Variants in COPG2 observed in about 807,000 individuals in gnomAD.
COPG2 encodes the protein coat protein complex I subunit gamma 2, also known as coatomer subunit gamma-2.
COPG2 carries 37 observed loss-of-function variants against 46.3 expected under a neutral mutation model. That is an observed-to-expected ratio of 0.80 (90% confidence interval 0.61 to 1.05). The LOEUF (loss-of-function observed/expected upper bound fraction) is 1.05. Among genes scored for constraint, COPG2 ranks in the 50% least tolerant of loss-of-function variants. COPG2 has a pLI of 0.00. For missense variants in COPG2, 427 were observed against 387.8 expected (o/e 1.10, Z -0.85); for synonymous variants, 159 against 129.7 (o/e 1.23, Z -1.53).
rs1793795269 is a variant in COPG2, at chr7:130,565,928, T to A, written c.738-1535A>T. Among the ~76,000 whole-genome samples, 4 of 152,160 alleles carry A rather than the reference T, an allele frequency of 2.6e-5. No individual in the cohort carries two copies. The South Asian group carries it at 8.3e-4, about 32-fold the overall frequency. On this transcript the variant is annotated intron_variant, in intron 9 of 23. Coordinates refer to ENST00000425248, the MANE Select transcript of COPG2 (RefSeq NM_012133.6). ...AAAAAGAAGGAAGAAAAATGAACAG[T>A]GCTTTGGAGACCTGTGTAACATGAC... is the stretch of plus-strand genomic sequence containing the variant.
intron 20 of COPG2, among the ~76,000 whole-genome samples, chr7:130,530,681 T>C (rs1304237038): frequency 6.6e-6 from 1 of 151,368 alleles, no homozygotes; most frequent in African/African-American, 2.4e-5. Flanking sequence ...GGAGAAGAAA[T>C]GTGGACGCAA....
intron 5 of COPG2, among the ~76,000 whole-genome samples, chr7:130,625,399 C>G (rs1212490479): frequency 6.6e-6 from 1 of 151,964 alleles, no homozygotes; most frequent in Middle Eastern, 3.2e-3. Flanking sequence ...TTTCTCTTGC[C>G]TAACTGCATT....
chr7:130,534,317 C>T (rs1337232867), intron 20 of COPG2, among the ~76,000 whole-genome samples: 4 of 152,102 alleles, frequency 2.6e-5, no homozygotes, highest in Admixed American at 2.0e-4. Flanking sequence ...GGACTCATAT[C>T]GTTTGAGTCC....
At chr7:130,553,053 C>T (rs1320062297) in intron 14 of COPG2, among the ~76,000 whole-genome samples, 1 of 152,134 alleles carries the variant, frequency 6.6e-6, no homozygotes, top group Non-Finnish European at 1.5e-5. Context: ...ATTACTTGAG[C>T]TAAAATCTGA....
chr7:130,658,022 C>T (rs1795891890), intron 4 of COPG2, among the ~76,000 whole-genome samples: 1 of 152,106 alleles, frequency 6.6e-6, no homozygotes, highest in African/African-American at 2.4e-5. Context: ...CTACATATGG[C>T]CCAGCAATCC....
intron 12 of COPG2, among the ~76,000 whole-genome samples, chr7:130,558,113 C>T (rs1437578894): frequency 6.6e-6 from 1 of 151,850 alleles, no homozygotes; most frequent in African/African-American, 2.4e-5. Context: ...TCAGCTTTCC[C>T]GTCTACAGAA....
intron 20 of COPG2, among the ~76,000 whole-genome samples, chr7:130,513,329 A>ATGTGTGTGTGTGTGTGTG (rs1393548382): frequency 1.1e-3 from 77 of 67,204 alleles, no homozygotes; most frequent in African/African-American, 3.1e-3. Context: ...ATATATATAT[A>ATGTGTGTGTGTGTGTGTG]TATATATATA....
Position 130,577,755 on chromosome 7 carries a change from G to A in COPG2, c.738-13362C>T, listed in dbSNP as rs1229152235. ...CGCAGTCTGGCCTGGGCGACAGAGC[G>A]AGACTCCGTCTCAAAAAAAAAAAAA... On this transcript the variant is annotated intron_variant, in intron 9 of 23. Coordinates refer to ENST00000425248, the MANE Select transcript of COPG2 (RefSeq NM_012133.6). Among the ~76,000 whole-genome samples, 120 of 135,496 alleles carry A rather than the reference G, an allele frequency of 8.9e-4. 1 individual carries two copies. The highest frequency in any genetic ancestry group is 3.1e-3 in the African/African-American group (106 of 33,768). The allele number at this position is 135,496 out of a possible 152,430, so 88.9% of individuals were successfully genotyped here.
chr7:130,579,115 T>A (rs1488604101), intron 9 of COPG2, among the ~76,000 whole-genome samples: 1 of 76,572 alleles, frequency 1.3e-5, no homozygotes, highest in Non-Finnish European at 2.6e-5. Flanking sequence ...CGGGTTACCC[T>A]CAAAGGGAAG....
intron 20 of COPG2, among the ~76,000 whole-genome samples, chr7:130,521,836 C>A (rs953774843): frequency 6.6e-6 from 1 of 151,662 alleles, no homozygotes; most frequent in African/African-American, 2.4e-5. Flanking sequence ...TAAAGATGGA[C>A]CAAAGATATG....
At chr7:130,607,633 G>T in intron 9 of COPG2, 5 of 510,076 alleles carry the variant, frequency 9.8e-6, no homozygotes, top group South Asian at 7.2e-5. Flanking sequence ...TATATATGTA[G>T]TTCAGTTGGT....
At chr7:130,507,590 T>TC in intron 22 of COPG2, 95 bp downstream of exon 22, 1 of 662,176 alleles carries the variant, frequency 1.5e-6, no homozygotes. Flanking sequence ...TATGAAGTTT[T>TC]TTTTTTTTTA....
At chr7:130,562,666 T>C (rs1318758312) in intron 11 of COPG2, among the ~76,000 whole-genome samples, 1 of 152,224 alleles carries the variant, frequency 6.6e-6, no homozygotes, top group Non-Finnish European at 1.5e-5. Context: ...AATGTAAATA[T>C]ACTGGATGTC....
intron 20 of COPG2, chr7:130,511,724 G>C (rs1219481185): frequency 9.7e-6 from 5 of 515,534 alleles, no homozygotes; most frequent in African/African-American, 1.9e-5. Context: ...TGGCAGAGCA[G>C]GTGTGGAATA....
chr7:130,595,450 T>A (rs1474086369), intron 9 of COPG2, among the ~76,000 whole-genome samples: 1 of 152,190 alleles, frequency 6.6e-6, no homozygotes, highest in East Asian at 1.9e-4. Context: ...GTTACATAGT[T>A]TTGTGAATAT....
At chr7:130,607,611 A>G in intron 9 of COPG2, 1 of 477,068 alleles carries the variant, frequency 2.1e-6, no homozygotes, top group South Asian at 1.6e-5. Flanking sequence ...GGTCTCCTAG[A>G]GTATTCTCCT....
intron 4 of COPG2, among the ~76,000 whole-genome samples, chr7:130,656,243 G>T (rs1450968214): frequency 1.3e-5 from 2 of 150,854 alleles, no homozygotes; most frequent in African/African-American, 4.9e-5. Flanking sequence ...GTTTGGAAGA[G>T]AAAAATAATT....
intron 5 of COPG2, among the ~76,000 whole-genome samples, chr7:130,630,276 C>T (rs1032160098): frequency 1.3e-5 from 2 of 152,176 alleles, no homozygotes; most frequent in Non-Finnish European, 2.9e-5. Context: ...ATATCTTATA[C>T]ATCTTTCATC....
At chr7:130,525,950 G>GAAATGAGTGACCTGGACAGCTT in intron 20 of COPG2, among the ~76,000 whole-genome samples, 1 of 151,526 alleles carries the variant, frequency 6.6e-6, no homozygotes, top group South Asian at 2.1e-4. Flanking sequence ...AGGGAAAGAA[G>GAAATGAGTGACCTGGACAGCTT]AAATGAGTGA....
Sources: gnomAD v4.1 joint callset for allele counts (sites outside exome capture counted in the v4.1 genomes callset) on GRCh38, gnomAD v4.1.1 for gene constraint, MANE v1.5 for transcripts, NCBI Gene and HGNC (gene_info 2026-07-23, HGNC 2026-07-21) for gene names.